The following SEPTIN12 variants were observed in gnomAD, a reference collection of about 807,000 sequenced individuals.
The protein encoded by SEPTIN12 is septin 12, also known as septin-12.
SEPTIN12 carries 42 observed loss-of-function variants against 37.7 expected under a neutral mutation model. The ratio of observed to expected loss-of-function variants is 1.11; its 90% confidence interval spans 0.87 to 1.44. The LOEUF (loss-of-function observed/expected upper bound fraction) is 1.44, where lower values mean the gene tolerates loss of function less well. SEPTIN12 is among the 40% of genes most tolerant of loss of function. The pLI is 0.00. For missense variants in SEPTIN12, 613 were observed against 479.2 expected, an observed-to-expected ratio of 1.28 and a Z score of -2.61; for synonymous variants, 254 against 196.7, an observed-to-expected ratio of 1.29 and a Z score of -2.44.
In SEPTIN12 at chr16:4,788,264, C is replaced by G. The variant is rs536892128; in HGVS notation, c.-23+16G>C. 1.3e-5 allele frequency: 2 copies of G among 154,032 alleles called. No individual in the cohort carries two copies. Among genetic ancestry groups the G allele is most frequent in the South Asian group, 4.1e-4 (2 of 4,872 alleles). 9.5% of individuals were successfully genotyped at this position (154,032 alleles called of 1,614,324 possible). ...CACGGGGGGCAGAGAGAGAGAGAAG[C>G]AGCCTGCTGTGACACCTGGTGGACG... On this transcript the variant is annotated intron_variant, in intron 1 of 9. Transcript: ENST00000268231.
In SEPTIN12 at chr16:4,777,818, G is replaced by A. The variant is rs1286777019; in HGVS notation, c.1056C>T (p.Asp352=). The A allele has an allele frequency of 2.8e-5, 44 of 1,573,482 alleles. No homozygotes were observed. The highest frequency in any genetic ancestry group is 2.1e-4 in the East Asian group (9 of 43,760). The change falls in exon 10 of 10, where the codon GAC becomes GAT. Residue 352 remains aspartate (D), a synonymous_variant. Coordinates refer to ENST00000268231, the MANE Select transcript of SEPTIN12 (RefSeq NM_144605.5). ...RTFKVCRGAH[D]DSDDEF is the part of the protein sequence containing the mutation. ...GTGGTCAGAACTCATCATCAGAATC[G>A]TCATGGGCCCCCCTGCAGACCTTGA...
At position 4,782,340 on chromosome 16, in the gene SEPTIN12, C is replaced by T. The variant is rs555570557; in HGVS notation, c.726+1122G>A. On this transcript the variant is annotated intron_variant, in intron 7 of 9. Transcript: ENST00000268231. Reference sequence around the variant, plus strand: ...GGGAATAGGCCGCACTGTGTTTCCCCACTCATCTGTTGATGCATATTTGGG... The same window carrying T: ...GGGAATAGGCCGCACTGTGTTTCCCTACTCATCTGTTGATGCATATTTGGG... 2.0e-5 allele frequency among the ~76,000 whole-genome samples: 3 copies of T among 152,292 alleles called. No individual in the cohort carries two copies. In the East Asian group the frequency reaches 5.8e-4, roughly 29 times the overall value.
At chr16:4,791,294 G>A (rs553358153), upstream of SEPTIN12, among the ~76,000 whole-genome samples, 4 of 152,154 alleles carry the variant, frequency 2.6e-5, no homozygotes, top group African/African-American at 9.7e-5. Context: ...ACTGGCAAAA[G>A]CCAGGGAAAA....
At chr16:4,783,301 G>A (rs976925989) in intron 7 of SEPTIN12, 161 bp downstream of exon 7, 2 of 650,670 alleles carry the variant, frequency 3.1e-6, no homozygotes, top group Non-Finnish European at 2.8e-6. Context: ...AGTGTGAGCT[G>A]TTATTTCTTG....
intron 7 of SEPTIN12, among the ~76,000 whole-genome samples, chr16:4,782,178 G>T (rs1165432634): frequency 6.6e-6 from 1 of 151,876 alleles, no homozygotes; most frequent in African/African-American, 2.4e-5. Flanking sequence ...TCGAACCCCT[G>T]GCCGCAAGTG....
rs374160456 is a variant in SEPTIN12, at chr16:4,777,789, G to A, written c.*8C>T. 1.7e-5 allele frequency: 26 copies of A among 1,509,366 alleles called. No homozygotes were observed. Among genetic ancestry groups the A allele is most frequent in the East Asian group, 2.4e-5 (1 of 42,324 alleles). The allele number at this position is 1,509,366 out of a possible 1,614,324, so 93.5% of individuals were successfully genotyped here. On this transcript the variant is annotated 3_prime_UTR_variant, in exon 10 of 10. Transcript: ENST00000268231. ...AGGAAGCCCAGCAGCCCCGGGATCCGCCGGTGGTCAGAACTCATCATCAGA... is the reference window on the plus strand; with the variant it reads ...AGGAAGCCCAGCAGCCCCGGGATCCACCGGTGGTCAGAACTCATCATCAGA...
rs758860427 is a variant in SEPTIN12, at chr16:4,778,097, G to A, written c.864C>T (p.Asp288=). Residue 288 remains aspartate, a synonymous_variant, in exon 9 of 10, where the codon GAC becomes GAT. Transcript: ENST00000268231. Reference sequence around the variant, plus strand: ...CCCCACACCCTCACCGGATAAGCAGGTCTCTCAGGAGAGGAAATTCACAGT... The same window carrying A: ...CCCCACACCCTCACCGGATAAGCAGATCTCTCAGGAGAGGAAATTCACAGT... The part of the protein sequence containing the change: ...MAHCEFPLLR[D]LLIRSHLQDL... 2.5e-6 allele frequency: 4 copies of A among 1,614,194 alleles called. No individual in the cohort carries two copies. The highest frequency in any genetic ancestry group is 1.3e-5 in the African/African-American group (1 of 75,054).
In SEPTIN12 at chr16:4,778,701, G is replaced by C. The variant is rs1321092772; in HGVS notation, c.824-564C>G. Reference sequence around the variant, plus strand: ...TGTAGTCCCAGCTATTTGGGAGGCTGAGGCAGGAGAATCGCTTGAACCTGA... The same window carrying C: ...TGTAGTCCCAGCTATTTGGGAGGCTCAGGCAGGAGAATCGCTTGAACCTGA... On this transcript the variant is annotated intron_variant, in intron 8 of 9. Coordinates refer to ENST00000268231, the MANE Select transcript of SEPTIN12 (RefSeq NM_144605.5). Among the ~76,000 whole-genome samples the C allele has an allele frequency of 2.0e-5, 3 of 152,126 alleles. No homozygotes were observed. In the East Asian group the frequency reaches 5.8e-4, roughly 29 times the overall value.
intron 2 of SEPTIN12, among the ~76,000 whole-genome samples, chr16:4,786,309 G>A (rs533152601): frequency 1.3e-5 from 2 of 151,304 alleles, no homozygotes; most frequent in South Asian, 2.1e-4. Context: ...CTAGTAGCTG[G>A]GACTGTAGGC....
chr16:4,783,528 G>A lies in SEPTIN12; in HGVS notation c.660C>T (p.Ile220=), dbSNP rs531731853. The part of the protein sequence containing the change: ...RIQQNLRTHC[I]DVYPQMCFDE... ...CAAAGCACATCTGGGGGTAGACGTC[G>A]ATGCAGTGGGTCCTCAGGTTCTGCT... The change falls in exon 7 of 10, where the codon ATC becomes ATT. Residue 220 remains isoleucine, a synonymous_variant. Transcript: ENST00000268231. 8.1e-6 allele frequency: 13 copies of A among 1,614,140 alleles called. No homozygotes were observed. The highest frequency in any genetic ancestry group is 6.6e-5 in the South Asian group (6 of 91,076).
intron 4 of SEPTIN12, among the ~76,000 whole-genome samples, chr16:4,784,956 C>T (rs2141876112): frequency 6.6e-6 from 1 of 151,574 alleles, no homozygotes; most frequent in East Asian, 1.9e-4. Flanking sequence ...ACTAAAAATA[C>T]AAAAATTGGG....
intron 7 of SEPTIN12, among the ~76,000 whole-genome samples, chr16:4,781,430 A>G (rs892287521): frequency 6.6e-6 from 1 of 151,946 alleles, no homozygotes; most frequent in Non-Finnish European, 1.5e-5. Flanking sequence ...CATACCTTTT[A>G]GCAATCACTC....
At position 4,777,656 on chromosome 16, in the gene SEPTIN12, T is replaced by C. The variant is rs574030728; in HGVS notation, c.*141A>G. 151 of 676,060 alleles carry C rather than the reference T, an allele frequency of 2.2e-4. No homozygotes were observed. The highest frequency in any genetic ancestry group is 3.2e-4 in the Non-Finnish European group (130 of 402,404). 41.9% of individuals were successfully genotyped at this position (676,060 alleles called of 1,614,324 possible). On this transcript the variant is annotated 3_prime_UTR_variant, in exon 10 of 10. Transcript: ENST00000268231. ...ATTTGTGGATAGCTCAAAGAAGTCA[T>C]TTACAAAATGCCTTTTGTTTTCAAA...
intron 7 of SEPTIN12, among the ~76,000 whole-genome samples, chr16:4,781,897 G>A (rs1447926808): frequency 7.1e-6 from 1 of 141,444 alleles, no homozygotes; most frequent in Non-Finnish European, 1.5e-5. Context: ...GCCCACCTCA[G>A]CCGCCCAAAG....
intron 7 of SEPTIN12, among the ~76,000 whole-genome samples, chr16:4,780,101 C>T (rs530111569): frequency 2.0e-5 from 3 of 152,112 alleles, no homozygotes; most frequent in South Asian, 2.1e-4. Context: ...ATTAGCTGAG[C>T]TTATAATCCC....
At chr16:4,787,971 CCAGG>C (rs2141884032) in intron 1 of SEPTIN12, 1 of 274,322 alleles carries the variant, frequency 3.6e-6, no homozygotes, top group Non-Finnish European at 6.9e-6. Flanking sequence ...GCCTGGAGGG[CCAGG>C]CAAAGTCCAG....
rs148623322 is a variant in SEPTIN12, at chr16:4,787,081, G to A, written c.166+399C>T. Among the ~76,000 whole-genome samples, 675 of 152,062 alleles carry A rather than the reference G, an allele frequency of 4.4e-3. 9 individuals are homozygous for A. The highest frequency in any genetic ancestry group is 0.015 in the African/African-American group (633 of 41,496). On this transcript the variant is annotated intron_variant, in intron 2 of 9. Coordinates refer to ENST00000268231, the MANE Select transcript of SEPTIN12 (RefSeq NM_144605.5). Reference sequence around the variant, plus strand: ...AGTAGAGACGGAGTTTCCCCATGTTGGCCAGGCTGTTTTCGAACTCCTGAC... The same window carrying A: ...AGTAGAGACGGAGTTTCCCCATGTTAGCCAGGCTGTTTTCGAACTCCTGAC...
At chr16:4,778,687 C>T (rs1395491886) in intron 8 of SEPTIN12, among the ~76,000 whole-genome samples, 1 of 151,962 alleles carries the variant, frequency 6.6e-6, no homozygotes, top group African/African-American at 2.4e-5. Flanking sequence ...GTAGTCCCAG[C>T]TATTTGGGAG....
At chr16:4,779,227 A>C (rs1281442746) in intron 8 of SEPTIN12, among the ~76,000 whole-genome samples, 1 of 151,312 alleles carries the variant, frequency 6.6e-6, no homozygotes, top group Non-Finnish European at 1.5e-5. Context: ...TCCCTAAGGC[A>C]GTCTCCTCTC....
Sources: allele counts gnomAD v4.1 joint callset (sites outside exome capture counted in the v4.1 genomes callset), GRCh38; gene constraint gnomAD v4.1.1; transcripts MANE v1.5; gene names NCBI Gene and HGNC (gene_info 2026-07-23, HGNC 2026-07-21).